Variants in NISCH observed in about 807,000 individuals in gnomAD.
The protein encoded by NISCH is nischarin, also known as I-1 receptor candidate protein.
A neutral mutation model predicts 138.4 loss-of-function variants in NISCH; 55 were observed. The observed-to-expected ratio is 0.40, with a 90% CI of 0.32 to 0.50. NISCH has a LOEUF of 0.50. Ranked by LOEUF, NISCH falls within the 20% of genes least tolerant of loss-of-function variation. The probability of loss-of-function intolerance (pLI) is 0.71; values close to 1 mark genes in which losing one functional copy is unlikely to be tolerated. For synonymous variants in NISCH, 860 were observed against 861.5 expected, an observed-to-expected ratio of 1.00 and a Z score of 0.03; for missense variants, 1,643 against 2,005.5, an observed-to-expected ratio of 0.82 and a Z score of 3.45.
intron 3 of NISCH, among the ~76,000 whole-genome samples, chr3:52,467,625 G>T (rs2153230955): frequency 6.6e-6 from 1 of 152,338 alleles, no homozygotes; most frequent in South Asian, 2.1e-4. Flanking sequence ...GTACTTCTGT[G>T]CCCTAAAGAG....
At chr3:52,465,546 T>A (rs943062157) in intron 3 of NISCH, among the ~76,000 whole-genome samples, 1 of 152,240 alleles carries the variant, frequency 6.6e-6, no homozygotes, top group Admixed American at 6.5e-5. Flanking sequence ...GGCACTGGCC[T>A]GTTGCTATGC....
intron 3 of NISCH, among the ~76,000 whole-genome samples, chr3:52,461,752 A>G (rs1706637663): frequency 6.6e-6 from 1 of 151,506 alleles, no homozygotes; most frequent in African/African-American, 2.4e-5. Flanking sequence ...AGTCCTAGCT[A>G]CTCGGGAGGC....
intron 4 of NISCH, chr3:52,471,348 A>C (rs1706940112): frequency 1.4e-5 from 4 of 278,388 alleles, no homozygotes; most frequent in Non-Finnish European, 2.7e-5. Flanking sequence ...GCCTGAGGGC[A>C]CATGGCTGGG....
intron 13 of NISCH, chr3:52,480,521 GC>G: frequency 6.6e-7 from 1 of 1,506,958 alleles, no homozygotes; most frequent in Non-Finnish European, 8.8e-7. Context: ...TTGCTCTGAT[GC>G]CCACATCCAG....
chr3:52,471,005 A>C, intron 4 of NISCH, 98 bp downstream of exon 4: 1 of 1,250,426 alleles, frequency 8.0e-7, no homozygotes, highest in Non-Finnish European at 1.2e-6. Context: ...TCTGGAGCCC[A>C]CCTACCTCCC....
At chr3:52,467,056 A>G (rs561123765) in intron 3 of NISCH, among the ~76,000 whole-genome samples, 52 of 142,974 alleles carry the variant, frequency 3.6e-4, no homozygotes, top group African/African-American at 1.4e-3. Flanking sequence ...GCTGGAGTGC[A>G]ATGATGCAAT....
chr3:52,487,722 C>G lies in NISCH; in HGVS notation c.2230C>G (p.Gln744Glu). Residue 744 changes from glutamine (Q) to glutamate (E), a missense_variant, in exon 16 of 21, where the codon CAG becomes GAG. Transcript: ENST00000345716. This position sits in a 1 kb window ranked among gnomAD's most constrained non-coding sequence, Gnocchi z 9.1. ...FGIAVFEIPH[Q>E]ESRGSSQHIL... ...CATCGCAGTCTTCGAGATCCCGCACCAGGAGTCTCGGGGCAGCAGCCAGCA... is the reference window on the plus strand; with the variant it reads ...CATCGCAGTCTTCGAGATCCCGCACGAGGAGTCTCGGGGCAGCAGCCAGCA... 6.2e-7 allele frequency: 1 copy of G among 1,613,746 alleles called. No homozygotes were observed. The highest frequency in any genetic ancestry group is 8.5e-7 in the Non-Finnish European group (1 of 1,180,018).
chr3:52,487,527 G>A lies in NISCH; in HGVS notation c.2035G>A (p.Glu679Lys), dbSNP rs1381157185. 1.2e-6 allele frequency: 2 copies of A among 1,607,190 alleles called. No individual in the cohort carries two copies. The highest frequency in any genetic ancestry group is 1.7e-6 in the Non-Finnish European group (2 of 1,175,202). ...GGGGGAGGAAGAGGAGGAGGAAGAG[G>A]AGGATGAAGAGGCCGAGGAGGAGCG... is the stretch of plus-strand genomic sequence containing the variant. ...GQGEEEEEEE[E>K]DEEAEEERLA... is the part of the protein sequence containing the mutation. Residue 679 changes from glutamate (E) to lysine (K), a missense_variant, in exon 16 of 21, where the codon GAG (glutamate) becomes AAG (lysine). By Grantham distance (56) the Glu-to-Lys change is moderately conservative (BLOSUM62 1). Transcript: ENST00000345716. The surrounding 1 kb of genome is among the most constrained non-coding windows in gnomAD (Gnocchi z 9.1).
chr3:52,455,873 G>A (rs919693378), intron 1 of NISCH, 139 bp downstream of exon 1: 2 of 574,668 alleles, frequency 3.5e-6, no homozygotes, highest in Middle Eastern at 4.2e-4. Flanking sequence ...AGGGGGCTGG[G>A]ACGGGGGATC....
At position 52,458,814 on chromosome 3, in the gene NISCH, A is replaced by G. The variant is rs1187090004; in HGVS notation, c.330A>G (p.Val110=). The G allele has an allele frequency of 6.2e-7, 1 of 1,603,164 alleles. No homozygotes were observed. Among genetic ancestry groups the G allele is most frequent in the African/African-American group, 1.3e-5 (1 of 74,098 alleles). ...CCTTCCCTGGCGTGACCCCCAGAGT[A>G]CTGGCCCACTTCTTGCATTTTCACT... ...LAAFPGVTPR[V]LAHFLHFHFY... is the part of the protein sequence containing the mutation. Residue 110 remains valine (V), a synonymous_variant, in exon 3 of 21, where the codon GTA becomes GTG. Transcript: ENST00000345716.
chr3:52,456,892 G>A (rs1706490026), intron 1 of NISCH, among the ~76,000 whole-genome samples: 1 of 152,162 alleles, frequency 6.6e-6, no homozygotes, highest in African/African-American at 2.4e-5. Context: ...TCAGCTATGG[G>A]CACATTCAGC....
chr3:52,487,479 G>A lies in NISCH; in HGVS notation c.1987G>A (p.Glu663Lys), dbSNP rs1188387164. Residue 663 changes from glutamate (E) to lysine (K), a missense_variant, in exon 16 of 21, where the codon GAG (glutamate) becomes AAG (lysine). Physicochemically the swap from Glu to Lys is moderately conservative, Grantham distance 56. Coordinates refer to ENST00000345716, the MANE Select transcript of NISCH (RefSeq NM_007184.4). The surrounding 1 kb of genome is among the most constrained non-coding windows in gnomAD (Gnocchi z 9.1). Reference sequence around the variant, plus strand: ...CTTTGAAATGGGGCCCCCAGACGTGGAGGAGGAGGAGGGAGGAGGCCAGGG... The same window carrying A: ...CTTTGAAATGGGGCCCCCAGACGTGAAGGAGGAGGAGGGAGGAGGCCAGGG... Reference protein sequence around the residue: ...RYFEMGPPDVEEEEGGGQGEE... With the variant: ...RYFEMGPPDVKEEEGGGQGEE... 9 of 1,571,838 alleles carry A rather than the reference G, an allele frequency of 5.7e-6. No individual in the cohort carries two copies. Among genetic ancestry groups the A allele is most frequent in the Non-Finnish European group, 7.0e-6 (8 of 1,147,814 alleles).
intron 1 of NISCH, among the ~76,000 whole-genome samples, chr3:52,456,477 G>T (rs1416340304): frequency 6.6e-6 from 1 of 151,556 alleles, no homozygotes; most frequent in Non-Finnish European, 1.5e-5. Flanking sequence ...GGTAGTTCCC[G>T]ACTTTGACGG....
At chr3:52,489,071 A>G (rs1707490798) in intron 16 of NISCH, among the ~76,000 whole-genome samples, 1 of 152,082 alleles carries the variant, frequency 6.6e-6, no homozygotes, top group South Asian at 2.1e-4. Flanking sequence ...CACCCACCTC[A>G]ACATCTTGCT....
intron 13 of NISCH, chr3:52,480,502 G>A (rs1238834575): frequency 5.9e-6 from 9 of 1,524,070 alleles, no homozygotes; most frequent in Non-Finnish European, 7.9e-6. Flanking sequence ...GCTTGGTGAG[G>A]ACTCCCAATT....
At chr3:52,484,462 T>TCACCCCCC in intron 13 of NISCH, 51 bp from the exon 14 acceptor site, 2 of 788,670 alleles carry the variant, frequency 2.5e-6, no homozygotes, top group Admixed American at 3.4e-5. Flanking sequence ...ACAGCCGCTC[T>TCACCCCCC]CCCCGCCCCA....
intron 18 of NISCH, 122 bp downstream of exon 18, chr3:52,490,353 G>A (rs1707529659): frequency 7.2e-6 from 8 of 1,105,346 alleles, no homozygotes; most frequent in Admixed American, 2.1e-5. Flanking sequence ...GGCTGCAGTG[G>A]GCTGAGAGTT....
In NISCH at chr3:52,489,611, C is replaced by T. The variant is rs1269351224; in HGVS notation, c.3389C>T (p.Ser1130Leu). Residue 1130 changes from serine (S) to leucine (L), a missense_variant, in exon 17 of 21, where the codon TCG becomes TTG. Coordinates refer to ENST00000345716, the MANE Select transcript of NISCH (RefSeq NM_007184.4). Reference sequence around the variant, plus strand: ...CCCTCGCACTTGCCTGCCTGCCCGTCGCTCCGGCACGTCGCCAGCCTGCGG... The same window carrying T: ...CCCTCGCACTTGCCTGCCTGCCCGTTGCTCCGGCACGTCGCCAGCCTGCGG... ...QIPSHLPACP[S>L]LRHVASLRGS... is the part of the protein sequence containing the mutation. 8.1e-6 allele frequency: 13 copies of T among 1,612,968 alleles called. No homozygotes were observed. Among genetic ancestry groups the T allele is most frequent in the Admixed American group, 1.7e-5 (1 of 60,014 alleles).
chr3:52,460,276 TAAAAC>T (rs899261704), intron 3 of NISCH, among the ~76,000 whole-genome samples: 4 of 124,922 alleles, frequency 3.2e-5, no homozygotes, highest in South Asian at 2.4e-4. Flanking sequence ...TTTGGGAAAA[TAAAAC>T]AAAAAAGAAA....
Sources: allele counts gnomAD v4.1 joint callset (sites outside exome capture counted in the v4.1 genomes callset), GRCh38; gene constraint gnomAD v4.1.1; non-coding constraint Gnocchi (gnomAD v3.1); transcripts MANE v1.5; gene names NCBI Gene and HGNC (gene_info 2026-07-23, HGNC 2026-07-21).